Variants in PRKN observed in about 807,000 individuals in gnomAD.
PRKN encodes the protein parkin RBR E3 ubiquitin protein ligase, also known as E3 ubiquitin-protein ligase parkin.
Under a neutral mutation model 59.5 loss-of-function variants are expected in PRKN, and 56 were observed. The observed-to-expected ratio is 0.94, with a 90% CI of 0.76 to 1.18. PRKN has a LOEUF of 1.18. Ranked by LOEUF, PRKN falls within the 50% of genes most tolerant of loss-of-function variation. The probability of loss-of-function intolerance (pLI) is 0.00; values close to 1 mark genes in which losing one functional copy is unlikely to be tolerated. For synonymous variants in PRKN, 250 were observed against 222.1 expected (o/e 1.13, Z -1.12); for missense variants, 657 against 596.4 (o/e 1.10, Z -1.06).
rs751813901 is a variant in PRKN at position 161,356,086 on chromosome 6, A to C, written c.1285+4002T>G. ...AGTGGGTTGGGTATTATGACCAACC[A>C]GTAGTCATGGGACATGAGCTCTCCG... On this transcript the variant is annotated intron_variant, in intron 11 of 11. Coordinates refer to ENST00000366898, the MANE Select transcript of PRKN (RefSeq NM_004562.3). This position sits in a 1 kb window ranked among gnomAD's most constrained non-coding sequence, Gnocchi z 7.8. Among the ~76,000 whole-genome samples, 1 of 152,234 alleles carries C rather than the reference A, an allele frequency of 6.6e-6. No homozygotes were observed. Among genetic ancestry groups the C allele is most frequent in the Admixed American group, 6.5e-5 (1 of 15,288 alleles).
At chr6:161,601,774 G>A in intron 7 of PRKN, among the ~76,000 whole-genome samples, 1 of 151,974 alleles carries the variant, frequency 6.6e-6, no homozygotes, top group East Asian at 1.9e-4. Flanking sequence ...AGTAGAGACG[G>A]GGTTTCACCG....
intron 6 of PRKN, among the ~76,000 whole-genome samples, chr6:161,893,832 C>G (rs896589290): frequency 6.6e-6 from 1 of 152,210 alleles, no homozygotes; most frequent in African/African-American, 2.4e-5. Context: ...GATTCTGAGA[C>G]TTGCTCAAGA....
intron 1 of PRKN, among the ~76,000 whole-genome samples, chr6:162,530,478 A>G (rs1778465043): frequency 6.6e-6 from 1 of 152,182 alleles, no homozygotes; most frequent in Non-Finnish European, 1.5e-5. Flanking sequence ...GTTCCGGGTT[A>G]AAGTCCGAGA....
intron 7 of PRKN, among the ~76,000 whole-genome samples, chr6:161,742,323 A>G (rs1399729209): frequency 6.6e-6 from 1 of 152,162 alleles, no homozygotes; most frequent in East Asian, 1.9e-4. Flanking sequence ...GCTGTCATGT[A>G]AGATGCGTCT....
intron 7 of PRKN, among the ~76,000 whole-genome samples, chr6:161,724,745 T>C (rs897950150): frequency 2.6e-5 from 4 of 152,224 alleles, no homozygotes; most frequent in African/African-American, 9.7e-5. Context: ...ATTACTAGAA[T>C]TCCCCACCAA....
rs545949709 is a variant in PRKN at position 161,406,106 on chromosome 6, G to A, written c.1084-19229C>T. On this transcript the variant is annotated intron_variant, in intron 9 of 11. Transcript: ENST00000366898. ...TTATGTTTTGTTCCTTTATACATACGTATATATATACACATATATACACAC... is the reference window on the plus strand; with the variant it reads ...TTATGTTTTGTTCCTTTATACATACATATATATATACACATATATACACAC... Among the ~76,000 whole-genome samples, 32 of 151,052 alleles carry A rather than the reference G, an allele frequency of 2.1e-4. 1 individual carries two copies. Among genetic ancestry groups the A allele is most frequent in the Non-Finnish European group, 3.2e-4 (22 of 67,828 alleles).
chr6:161,972,535 T>C (rs2128251706), intron 6 of PRKN, among the ~76,000 whole-genome samples: 1 of 151,744 alleles, frequency 6.6e-6, no homozygotes, highest in Middle Eastern at 3.4e-3. Context: ...TAACAGGCCA[T>C]CTCCACATTT....
chr6:162,215,633 G>C (rs1440885929), intron 3 of PRKN, among the ~76,000 whole-genome samples: 1 of 152,154 alleles, frequency 6.6e-6, no homozygotes, highest in East Asian at 1.9e-4. Flanking sequence ...TTAAGAAATG[G>C]AGTCTTATTT....
At chr6:161,882,419 C>T (rs1441181152) in intron 6 of PRKN, among the ~76,000 whole-genome samples, 1 of 152,036 alleles carries the variant, frequency 6.6e-6, no homozygotes, top group Non-Finnish European at 1.5e-5. Flanking sequence ...GGCAGTGAGC[C>T]GCCTCCCCAG....
chr6:161,654,831 GC>G, intron 7 of PRKN, among the ~76,000 whole-genome samples: 1 of 152,164 alleles, frequency 6.6e-6, no homozygotes, highest in East Asian at 1.9e-4. Context: ...AGCTTACCAC[GC>G]CCCCTGGGAG....
At chr6:161,528,118 C>G (rs1779078505) in intron 9 of PRKN, among the ~76,000 whole-genome samples, 1 of 152,130 alleles carries the variant, frequency 6.6e-6, no homozygotes, top group African/African-American at 2.4e-5. Flanking sequence ...TAAAATGTCA[C>G]TGTTAAAGTA....
At chr6:162,431,302 A>G (rs1789517293) in intron 2 of PRKN, among the ~76,000 whole-genome samples, 1 of 152,112 alleles carries the variant, frequency 6.6e-6, no homozygotes, top group African/African-American at 2.4e-5. Context: ...ACCAACAGAT[A>G]CATATCATCA....
intron 4 of PRKN, among the ~76,000 whole-genome samples, chr6:162,152,100 A>C (rs990260340): frequency 3.3e-5 from 5 of 152,202 alleles, no homozygotes; most frequent in African/African-American, 1.2e-4. Context: ...GTGGCTGCTC[A>C]ACAGTAGAAT....
rs934683659 is a variant in PRKN, at chr6:161,533,993, T to A, written c.1083+14861A>T. 2.0e-5 allele frequency among the ~76,000 whole-genome samples: 3 copies of A among 152,106 alleles called. No homozygotes were observed. Among genetic ancestry groups the A allele is most frequent in the Admixed American group, 2.0e-4 (3 of 15,270 alleles). Reference sequence around the variant, plus strand: ...GACTTCAGTGAACCCCCTTTCCACCTGTCCTCCTCGCCCTCACACTAGATT... The same window carrying A: ...GACTTCAGTGAACCCCCTTTCCACCAGTCCTCCTCGCCCTCACACTAGATT... On this transcript the variant is annotated intron_variant, in intron 9 of 11. Coordinates refer to ENST00000366898, the MANE Select transcript of PRKN (RefSeq NM_004562.3). This position sits in a 1 kb window ranked among gnomAD's most constrained non-coding sequence, Gnocchi z 4.1.
chr6:161,659,810 C>T (rs1784479998), intron 7 of PRKN, among the ~76,000 whole-genome samples: 1 of 152,050 alleles, frequency 6.6e-6, no homozygotes, highest in Non-Finnish European at 1.5e-5. Flanking sequence ...CAGAAGGAGG[C>T]GGTGACTCAG....
At chr6:162,380,523 A>ATG (rs1786420003) in intron 2 of PRKN, among the ~76,000 whole-genome samples, 1 of 136,426 alleles carries the variant, frequency 7.3e-6, no homozygotes, top group Admixed American at 7.6e-5. Flanking sequence ...ATATATATAT[A>ATG]TGTATATATA....
chr6:162,602,627 G>A (rs1376054488), intron 1 of PRKN, among the ~76,000 whole-genome samples: 1 of 152,166 alleles, frequency 6.6e-6, no homozygotes, highest in Non-Finnish European at 1.5e-5. Context: ...TAGGTATCTG[G>A]GTTAGAGAAG....
At chr6:162,129,324 TTAAA>T (rs1391734673) in intron 4 of PRKN, among the ~76,000 whole-genome samples, 4 of 152,190 alleles carry the variant, frequency 2.6e-5, no homozygotes, top group East Asian at 1.9e-4. Context: ...ACAGCTTTAA[TTAAA>T]TAAAGATTCA....
chr6:162,677,063 C>CAAAAAAA (rs536705591), intron 1 of PRKN, among the ~76,000 whole-genome samples: 4 of 90,304 alleles, frequency 4.4e-5, no homozygotes, highest in Non-Finnish European at 4.4e-5. Flanking sequence ...ACATCTCAAT[C>CAAAAAAA]AAAAAAAAAA....
Sources: allele counts gnomAD v4.1 joint callset (sites outside exome capture counted in the v4.1 genomes callset), GRCh38; gene constraint gnomAD v4.1.1; non-coding constraint Gnocchi (gnomAD v3.1); transcripts MANE v1.5; gene names NCBI Gene and HGNC (gene_info 2026-07-23, HGNC 2026-07-21).